CNTN6: variants seen among roughly 807,000 people sequenced by gnomAD.
CNTN6 encodes the protein contactin 6.
CNTN6 carries 137 observed loss-of-function variants against 122.8 expected under a neutral mutation model. The observed-to-expected ratio is 1.12, with a 90% confidence interval of 0.97 to 1.29. The LOEUF is 1.29. Ranked by LOEUF, CNTN6 falls within the 50% of genes most tolerant of loss-of-function variation. The probability of loss-of-function intolerance (pLI) is 0.00; values close to 1 mark genes in which losing one functional copy is unlikely to be tolerated. For missense variants in CNTN6, 1,634 were observed against 1,223.4 expected, an observed-to-expected ratio of 1.34 and a Z score of -5.01; for synonymous variants, 570 against 426.0, an observed-to-expected ratio of 1.34 and a Z score of -4.16.
intron 4 of CNTN6, among the ~76,000 whole-genome samples, chr3:1,248,196 A>T (rs549777536): frequency 3.1e-4 from 47 of 152,278 alleles, no homozygotes; most frequent in African/African-American, 1.1e-3. Flanking sequence ...CAAGATGGAT[A>T]CTTTGGGAAG....
At chr3:1,108,418 A>T (rs2125004335) in intron 1 of CNTN6, among the ~76,000 whole-genome samples, 1 of 152,178 alleles carries the variant, frequency 6.6e-6, no homozygotes, top group South Asian at 2.1e-4. Flanking sequence ...AATTTTGAGC[A>T]GGAAACAAAG....
chr3:1,355,265 G>T (rs75363740), intron 12 of CNTN6, among the ~76,000 whole-genome samples: 60 of 151,704 alleles, frequency 4.0e-4, no homozygotes, highest in African/African-American at 1.4e-3. Flanking sequence ...AACACAAAAT[G>T]TGTGTACAGT....
At chr3:1,358,320 T>C (rs911639995) in intron 12 of CNTN6, among the ~76,000 whole-genome samples, 1 of 152,028 alleles carries the variant, frequency 6.6e-6, no homozygotes, top group Non-Finnish European at 1.5e-5. Context: ...ACTTGTTTCT[T>C]GAGTTTTTAG....
At chr3:1,311,720 C>T (rs1213946838) in intron 7 of CNTN6, among the ~76,000 whole-genome samples, 1 of 151,508 alleles carries the variant, frequency 6.6e-6, no homozygotes, top group African/African-American at 2.4e-5. Context: ...TTTCAGTATA[C>T]ATATATCCTT....
intron 2 of CNTN6, among the ~76,000 whole-genome samples, chr3:1,159,229 A>C (rs181788875): frequency 1.3e-5 from 2 of 152,036 alleles, no homozygotes; most frequent in Admixed American, 1.3e-4. Context: ...GTGGATGCCT[A>C]CAACCATGAA....
rs1389595111 is a variant in CNTN6 at position 1,245,311 on chromosome 3, T to TA, written c.358+17319dup. Among the ~76,000 whole-genome samples, 8 of 17,604 alleles carry TA rather than the reference T, an allele frequency of 4.5e-4. 1 individual carries two copies. The East Asian group carries it at 0.013, about 28-fold the overall frequency. 11.5% of individuals were successfully genotyped at this position (17,604 alleles called of 152,430 possible). ...TATATATAACATATATATATATATA[T>TA]ATATATATATATATATATATATATA... On this transcript the variant is annotated intron_variant, in intron 4 of 22. Transcript: ENST00000446702.
chr3:1,323,027 A>C, intron 8 of CNTN6, among the ~76,000 whole-genome samples: 1 of 151,848 alleles, frequency 6.6e-6, no homozygotes, highest in South Asian at 2.1e-4. Flanking sequence ...TCCATTTTAT[A>C]TATAATAGAC....
chr3:1,366,983 T>G (rs1204514606), intron 12 of CNTN6, among the ~76,000 whole-genome samples: 2 of 152,156 alleles, frequency 1.3e-5, no homozygotes, highest in African/African-American at 4.8e-5. Context: ...GCTTCATACT[T>G]CCAAAGTTTT....
chr3:1,302,524 TG>T (rs1270471434), intron 7 of CNTN6, among the ~76,000 whole-genome samples: 26 of 151,946 alleles, frequency 1.7e-4, no homozygotes, highest in African/African-American at 6.3e-4. Context: ...AATCAATAGG[TG>T]GGTAGAAGGA....
rs941684785 is a variant in CNTN6, at chr3:1,390,826, G to A, written c.2704+5029G>A. ...TCTAGAAGAAATGGATAAATTCCTC[G>A]ACACATACACTCTCCCAAGACTAAA... On this transcript the variant is annotated intron_variant, in intron 20 of 22. Coordinates refer to ENST00000446702, the MANE Select transcript of CNTN6 (RefSeq NM_001289080.2). Among the ~76,000 whole-genome samples, 903 of 150,716 alleles carry A rather than the reference G, an allele frequency of 6.0e-3. 8 individuals carry two copies. The highest frequency in any genetic ancestry group is 0.017 in the Middle Eastern group (5 of 294).
At chr3:1,259,490 A>G (rs1260203352) in intron 4 of CNTN6, among the ~76,000 whole-genome samples, 2 of 152,118 alleles carry the variant, frequency 1.3e-5, no homozygotes, top group African/African-American at 2.4e-5. Flanking sequence ...ACACTAGATT[A>G]CTATTATTAT....
chr3:1,109,187 A>G (rs1034358825), intron 1 of CNTN6, among the ~76,000 whole-genome samples: 1 of 152,092 alleles, frequency 6.6e-6, no homozygotes, highest in Admixed American at 6.6e-5. Flanking sequence ...CCCGATGAGC[A>G]CTGGGGCTCT....
chr3:1,205,016 G>C (rs986466111), intron 2 of CNTN6, among the ~76,000 whole-genome samples: 10 of 152,254 alleles, frequency 6.6e-5, no homozygotes, highest in Admixed American at 3.3e-4. Context: ...AGCTGGGGAG[G>C]CCTTTGAAGT....
intron 12 of CNTN6, among the ~76,000 whole-genome samples, chr3:1,358,542 C>G (rs779165996): frequency 9.9e-5 from 15 of 151,498 alleles, no homozygotes; most frequent in Admixed American, 4.0e-4. Context: ...GTCTCTGGAT[C>G]CTGAATACTC....
At chr3:1,318,083 A>G (rs1231675382) in intron 7 of CNTN6, among the ~76,000 whole-genome samples, 2 of 151,752 alleles carry the variant, frequency 1.3e-5, no homozygotes, top group East Asian at 2.0e-4. Context: ...GAAGAAAAAA[A>G]GGAAAGAAAG....
intron 2 of CNTN6, among the ~76,000 whole-genome samples, chr3:1,157,022 T>G (rs893152312): frequency 6.6e-6 from 1 of 151,628 alleles, no homozygotes; most frequent in African/African-American, 2.4e-5. Flanking sequence ...TGCCTCTTTT[T>G]TTTTTTATTT....
intron 16 of CNTN6, among the ~76,000 whole-genome samples, chr3:1,375,755 TG>T (rs1203908515): frequency 6.6e-6 from 1 of 151,918 alleles, no homozygotes; most frequent in Non-Finnish European, 1.5e-5. Context: ...TAAAAAATTA[TG>T]AAGCTTAAAG....
intron 7 of CNTN6, among the ~76,000 whole-genome samples, chr3:1,317,909 A>G (rs915130764): frequency 4.6e-5 from 7 of 151,002 alleles, no homozygotes; most frequent in Non-Finnish European, 8.9e-5. Context: ...AAAAAAGCAA[A>G]CACATGTCCT....
intron 11 of CNTN6, among the ~76,000 whole-genome samples, chr3:1,337,374 T>C (rs1016070736): frequency 1.3e-5 from 2 of 152,150 alleles, no homozygotes; most frequent in Non-Finnish European, 2.9e-5. Flanking sequence ...AAATTATTAC[T>C]GTTCCTTTTG....
Sources: gnomAD v4.1 joint callset for allele counts (sites outside exome capture counted in the v4.1 genomes callset) on GRCh38, gnomAD v4.1.1 for gene constraint, MANE v1.5 for transcripts, NCBI Gene and HGNC (gene_info 2026-07-23, HGNC 2026-07-21) for gene names.